The following RRAS2 variants were observed in gnomAD, a reference collection of about 807,000 sequenced individuals.
RRAS2 encodes the protein RAS related 2, also known as ras-related protein R-Ras2.
In RRAS2, 7 loss-of-function variants were observed where a neutral mutation model predicts 27.6. That is an observed-to-expected ratio of 0.25 (90% CI 0.14 to 0.48). The LOEUF is 0.48. Ranked by LOEUF, RRAS2 falls within the 20% of genes least tolerant of loss-of-function variation. RRAS2 has a pLI of 0.99. For missense variants in RRAS2, 178 were observed against 256.2 expected (o/e 0.69, Z 2.08); for synonymous variants, 86 against 90.9 (o/e 0.95, Z 0.31).
In RRAS2 at chr11:14,358,660, C is replaced by A. The variant is rs568685229; in HGVS notation, c.108+103G>T. ...GCCCCCTGGCCCCGGCCCGGGCCCG[C>A]GAGGCGCCTCTGGGGCGAGGTCGCG... On this transcript the variant is annotated intron_variant, in intron 1 of 5. Transcript: ENST00000256196. The surrounding 1 kb of genome is among the most constrained non-coding windows in gnomAD (Gnocchi z 5.1). The A allele has an allele frequency of 2.5e-3, 2,477 of 984,412 alleles. 2 individuals carry two copies. Among genetic ancestry groups the A allele is most frequent in the Non-Finnish European group, 2.8e-3 (2,314 of 826,386 alleles). 61.0% of individuals were successfully genotyped at this position (984,412 alleles called of 1,614,324 possible).
chr11:14,358,830 T>C lies in RRAS2; in HGVS notation c.41A>G (p.Lys14Arg). The change falls in exon 1 of 6, where the codon AAG becomes AGG. Residue 14 changes from lysine to arginine, a missense_variant. Transcript: ENST00000256196. This position sits in a 1 kb window ranked among gnomAD's most constrained non-coding sequence, Gnocchi z 5.1. ...CCCGCCGACCACCACGAGCCGGTAC[T>C]TCTCCTGGCCGGAGCCGTCCCGCCA... is the stretch of plus-strand genomic sequence containing the variant. ...AGWRDGSGQE[K>R]YRLVVVGGGG... 1 of 1,493,532 alleles carries C rather than the reference T, an allele frequency of 6.7e-7. No individual in the cohort carries two copies. Among genetic ancestry groups the C allele is most frequent in the Admixed American group, 1.9e-5 (1 of 52,630 alleles). The allele number at this position is 1,493,532 out of a possible 1,614,324, so 92.5% of individuals were successfully genotyped here.
chr11:14,298,691 T>A (rs1429730517), intron 1 of RRAS2, among the ~76,000 whole-genome samples: 1 of 152,224 alleles, frequency 6.6e-6, no homozygotes, highest in Non-Finnish European at 1.5e-5. Flanking sequence ...GAGACCATCA[T>A]CTACTGGCTA....
chr11:14,349,602 CA>C (rs1554954517), intron 1 of RRAS2, among the ~76,000 whole-genome samples: 3 of 152,130 alleles, frequency 2.0e-5, no homozygotes, highest in South Asian at 4.1e-4. Context: ...CCATTTTCCA[CA>C]ATATATTTAC....
intron 1 of RRAS2, among the ~76,000 whole-genome samples, chr11:14,324,599 T>C (rs1002217839): frequency 6.6e-6 from 1 of 152,094 alleles, no homozygotes; most frequent in Non-Finnish European, 1.5e-5. Context: ...AGCAAGAAAA[T>C]AGCCAAGAAA....
chr11:14,306,880 A>G (rs1187812059), intron 1 of RRAS2, among the ~76,000 whole-genome samples: 4 of 116,992 alleles, frequency 3.4e-5, no homozygotes, highest in African/African-American at 6.3e-5. Flanking sequence ...TCATTATTTT[A>G]TGTGCCAAGA....
intron 1 of RRAS2, among the ~76,000 whole-genome samples, chr11:14,316,408 C>T (rs1334962754): frequency 6.6e-6 from 1 of 152,090 alleles, no homozygotes; most frequent in African/African-American, 2.4e-5. Context: ...ATTTTCCAGG[C>T]CCTCCTTTTT....
chr11:14,363,302 G>A (rs530247917), upstream of RRAS2, among the ~76,000 whole-genome samples: 127 of 152,238 alleles, frequency 8.3e-4, no homozygotes, highest in Non-Finnish European at 1.4e-3. Flanking sequence ...TCTCCACGAA[G>A]GATGTGCTTC....
chr11:14,328,929 G>C (rs941857445), intron 1 of RRAS2, among the ~76,000 whole-genome samples: 1 of 151,536 alleles, frequency 6.6e-6, no homozygotes, highest in African/African-American at 2.4e-5. Flanking sequence ...CTCCCAAAGT[G>C]CTGGGATTAC....
intron 1 of RRAS2, among the ~76,000 whole-genome samples, chr11:14,297,785 TA>T (rs1847594548): frequency 6.6e-6 from 1 of 152,182 alleles, no homozygotes; most frequent in South Asian, 2.1e-4. Flanking sequence ...TTTTTTAAAT[TA>T]AAATTAAAAT....
intron 4 of RRAS2, among the ~76,000 whole-genome samples, chr11:14,293,577 G>A (rs1371378683): frequency 6.6e-6 from 1 of 151,996 alleles, no homozygotes; most frequent in East Asian, 1.9e-4. Flanking sequence ...CCTGTTCTCG[G>A]AGATCTGATG....
At chr11:14,356,857 G>A (rs1849087466) in intron 1 of RRAS2, 2 of 404,670 alleles carry the variant, frequency 4.9e-6, no homozygotes, top group Admixed American at 2.9e-5. Flanking sequence ...GCACAATCTC[G>A]GCTCACTACA....
intron 1 of RRAS2, among the ~76,000 whole-genome samples, chr11:14,346,819 CCT>C (rs1229195418): frequency 6.6e-6 from 1 of 151,934 alleles, no homozygotes; most frequent in Non-Finnish European, 1.5e-5. Flanking sequence ...TTCAAAACAC[CCT>C]GTTGTACATA....
intron 4 of RRAS2, among the ~76,000 whole-genome samples, chr11:14,282,562 G>T (rs1554944485): frequency 6.6e-6 from 1 of 152,018 alleles, no homozygotes; most frequent in East Asian, 1.9e-4. Context: ...CATTTATATA[G>T]TGGGGCTTAA....
intron 1 of RRAS2, among the ~76,000 whole-genome samples, chr11:14,314,393 A>G (rs1215806329): frequency 2.6e-5 from 4 of 152,180 alleles, no homozygotes; most frequent in Non-Finnish European, 5.9e-5. Flanking sequence ...TCTAATCATA[A>G]TTTACATATC....
intron 4 of RRAS2, among the ~76,000 whole-genome samples, chr11:14,282,954 G>A (rs1849579738): frequency 6.6e-6 from 1 of 152,108 alleles, no homozygotes; most frequent in Non-Finnish European, 1.5e-5. Context: ...AGAACCTCCA[G>A]TACAATGACA....
intron 1 of RRAS2, among the ~76,000 whole-genome samples, chr11:14,341,530 TATGA>T (rs1214967070): frequency 2.2e-4 from 33 of 152,102 alleles, no homozygotes; most frequent in African/African-American, 7.2e-4. Context: ...CAAATTGAAA[TATGA>T]ATTTCTTACT....
At chr11:14,298,797 C>T (rs1847625436) in intron 1 of RRAS2, among the ~76,000 whole-genome samples, 1 of 152,096 alleles carries the variant, frequency 6.6e-6, no homozygotes, top group East Asian at 1.9e-4. Flanking sequence ...AAACCTCTTT[C>T]CCTCTCAAAA....
At chr11:14,303,590 A>C (rs1039887458) in intron 1 of RRAS2, among the ~76,000 whole-genome samples, 2 of 152,166 alleles carry the variant, frequency 1.3e-5, no homozygotes, top group Non-Finnish European at 2.9e-5. Flanking sequence ...GGGGGGAAAA[A>C]AGTTTAAATA....
At chr11:14,311,793 T>G (rs1011617002) in intron 1 of RRAS2, among the ~76,000 whole-genome samples, 1 of 152,178 alleles carries the variant, frequency 6.6e-6, no homozygotes, top group African/African-American at 2.4e-5. Context: ...AAATTAACAC[T>G]GCAAACTACG....
Sources: allele counts gnomAD v4.1 joint callset (sites outside exome capture counted in the v4.1 genomes callset), GRCh38; gene constraint gnomAD v4.1.1; non-coding constraint Gnocchi (gnomAD v3.1); transcripts MANE v1.5; gene names NCBI Gene and HGNC (gene_info 2026-07-23, HGNC 2026-07-21).